Variants in TMIGD2 observed in about 807,000 individuals in gnomAD.
TMIGD2 encodes transmembrane and immunoglobulin domain containing 2.
TMIGD2 carries 18 observed loss-of-function variants against 22.6 expected under a neutral mutation model. The observed-to-expected ratio is 0.80, with a 90% CI of 0.55 to 1.18. TMIGD2 has a LOEUF of 1.18. Among genes scored for constraint, TMIGD2 ranks in the 50% most tolerant of loss-of-function variants. The pLI, the probability that TMIGD2 is intolerant of heterozygous loss-of-function variation, is 0.00. For synonymous variants in TMIGD2, 184 were observed against 154.1 expected, an observed-to-expected ratio of 1.19 and a Z score of -1.44; for missense variants, 361 against 378.2, an observed-to-expected ratio of 0.95 and a Z score of 0.38.
At chr19:4,292,870 C>T (rs750168919) in exon 5 of TMIGD2, 2 of 1,613,658 alleles carry the variant, frequency 1.2e-6, no homozygotes, top group African/African-American at 1.3e-5. Context: ...TAGGACGTTG[C>T]TGTAGAATGC....
intron 2 of TMIGD2, among the ~76,000 whole-genome samples, chr19:4,297,180 G>A (rs1169521071): frequency 6.8e-6 from 1 of 146,122 alleles, no homozygotes; most frequent in Non-Finnish European, 1.5e-5. Flanking sequence ...GGATTCTCCT[G>A]CCTCAGCCTC....
rs112223897 is a variant in TMIGD2, at chr19:4,297,950, C to A, written c.406+36G>T. 5.8e-3 allele frequency: 8,748 copies of A among 1,516,654 alleles called. 38 individuals are homozygous for A. The highest frequency in any genetic ancestry group is 6.6e-3 in the Non-Finnish European group (7,518 of 1,131,286). The allele number at this position is 1,516,654 out of a possible 1,614,324, so 93.9% of individuals were successfully genotyped here. A position where few individuals can be genotyped will look rare whatever the true frequency, so the allele number is the denominator to read the frequency against. ...AAAGTCTTAAGATTCTAGGATCCTC[C>A]CCACTGCCCCTCCCTCTCCCCGCTG... On this transcript the variant is annotated intron_variant, in intron 2 of 4. Coordinates refer to ENST00000301272, the Ensembl canonical transcript of TMIGD2.
rs770054378 is a variant in TMIGD2 at position 4,294,760 on chromosome 19, C to T, written c.448+15G>A. 13 of 1,583,100 alleles carry T rather than the reference C, an allele frequency of 8.2e-6. No individual in the cohort carries two copies. Among genetic ancestry groups the T allele is most frequent in the Non-Finnish European group, 1.1e-5 (13 of 1,165,472 alleles). On this transcript the variant is annotated intron_variant, in intron 3 of 4. Transcript: ENST00000301272. Reference sequence around the variant, plus strand: ...GGTGGAAGACGCTGGGGGAGGAACACAGGGCAGGGCTCACCTGGGAAGCTT... The same window carrying T: ...GGTGGAAGACGCTGGGGGAGGAACATAGGGCAGGGCTCACCTGGGAAGCTT...
exon 4 of TMIGD2, chr19:4,294,645 C>A (rs780536347): frequency 3.1e-6 from 5 of 1,602,318 alleles, no homozygotes; most frequent in Non-Finnish European, 4.3e-6. Context: ...GCAGCCACAC[C>A]CATGCTTCCC....
In TMIGD2 at chr19:4,292,759, G is replaced by A. The variant is rs757055087; in HGVS notation, c.689C>T (p.Ala230Val). 27 of 1,610,916 alleles carry A rather than the reference G, an allele frequency of 1.7e-5. No homozygotes were observed. The highest frequency in any genetic ancestry group is 4.0e-5 in the African/African-American group (3 of 74,788). The change falls in exon 5 of 5, where the codon GCC (alanine) becomes GTC (valine). Residue 230 changes from alanine to valine, a missense_variant. Coordinates refer to ENST00000301272, the Ensembl canonical transcript of TMIGD2. ...TGACGCCAGGTGCGGCTGGCGGGGG[G>A]CCGGTTGCGGGAAGGAGGTTGAATA...
chr19:4,294,497 G>A, intron 4 of TMIGD2, 82 bp downstream of exon 4: 1 of 1,346,662 alleles, frequency 7.4e-7, no homozygotes, highest in Non-Finnish European at 1.1e-6. Context: ...CCCCCAGGCG[G>A]GAGCACAGAT....
chr19:4,296,283 C>G (rs1352381570), intron 2 of TMIGD2, among the ~76,000 whole-genome samples: 1 of 152,206 alleles, frequency 6.6e-6, no homozygotes, highest in Non-Finnish European at 1.5e-5. Context: ...AAACTATTCA[C>G]TGTATTTTGA....
At chr19:4,299,778 T>C (rs1971510953) in intron 1 of TMIGD2, among the ~76,000 whole-genome samples, 1 of 151,382 alleles carries the variant, frequency 6.6e-6, no homozygotes. Context: ...CCCAGCTACA[T>C]GGGAGGCTGA....
chr19:4,297,874 A>AT, intron 2 of TMIGD2, 112 bp downstream of exon 2: 4 of 1,206,420 alleles, frequency 3.3e-6, no homozygotes, highest in South Asian at 3.6e-5. Context: ...AAAAAAAAAA[A>AT]GTTTGATATG....
intron 1 of TMIGD2, among the ~76,000 whole-genome samples, chr19:4,299,019 A>C (rs955676415): frequency 6.6e-6 from 1 of 152,198 alleles, no homozygotes; most frequent in Admixed American, 6.5e-5. Flanking sequence ...AGACACAGGA[A>C]GTCGTGAAAT....
rs564860685 is a variant in TMIGD2, at chr19:4,292,539, G to A, written c.*60C>T. On this transcript the variant is annotated 3_prime_UTR_variant, in exon 5 of 5. Transcript: ENST00000301272. ...GGCGTGAGCCACCGTGTCTGGCCTC[G>A]ATCCCCCCTTTTTTGTGTGTACCTA... 78 of 1,528,756 alleles carry A rather than the reference G, an allele frequency of 5.1e-5. No homozygotes were observed. In the Admixed American group the frequency reaches 1.0e-3, roughly 20 times the overall value. 94.7% of individuals were successfully genotyped at this position (1,528,756 alleles called of 1,614,324 possible).
intron 1 of TMIGD2, among the ~76,000 whole-genome samples, chr19:4,301,442 G>A (rs932171449): frequency 1.3e-5 from 2 of 152,322 alleles, no homozygotes; most frequent in African/African-American, 4.8e-5. Context: ...GCCAAGGTGG[G>A]TGGATCATGA....
intron 2 of TMIGD2, among the ~76,000 whole-genome samples, chr19:4,296,926 T>C (rs1971468815): frequency 6.6e-6 from 1 of 152,276 alleles, no homozygotes; most frequent in Non-Finnish European, 1.5e-5. Context: ...AAGGGGACAG[T>C]GCATAGGGTG....
intron 1 of TMIGD2, among the ~76,000 whole-genome samples, chr19:4,298,567 C>G (rs544019797): frequency 6.6e-6 from 1 of 152,194 alleles, no homozygotes; most frequent in South Asian, 2.1e-4. Flanking sequence ...AAGACCTCAT[C>G]TCTACAATAA....
exon 5 of TMIGD2, chr19:4,292,671 G>A (rs1241877299): frequency 6.2e-7 from 1 of 1,605,578 alleles, no homozygotes; most frequent in Non-Finnish European, 8.5e-7. Context: ...GAGAGACCCT[G>A]ACCATAGAGA....
At chr19:4,294,750 G>A (rs1480340288) in intron 3 of TMIGD2, 25 bp downstream of exon 3, 1 of 1,581,882 alleles carries the variant, frequency 6.3e-7, no homozygotes. Context: ...AAGACGCTGG[G>A]GGAGGAACAC....
In TMIGD2 at chr19:4,292,636, G is replaced by A. The variant is rs144403458; in HGVS notation, c.812C>T (p.Pro271Leu). 7 of 1,612,694 alleles carry A rather than the reference G, an allele frequency of 4.3e-6. No homozygotes were observed. The highest frequency in any genetic ancestry group is 2.7e-5 in the African/African-American group (2 of 74,808). ...CACTTTGGGGAACCCTTTTGGCCTC[G>A]GCTGCTGGGTGGGGCTTGGTCTAGG... The change falls in exon 5 of 5, where the codon CCG (proline) becomes CTG (leucine). Residue 271 changes from proline (P) to leucine (L), a missense_variant. Pro to Leu is a moderately conservative substitution (Grantham distance 98, BLOSUM62 -3). Coordinates refer to ENST00000301272, the Ensembl canonical transcript of TMIGD2.
At chr19:4,297,482 G>T (rs1002222624) in intron 2 of TMIGD2, among the ~76,000 whole-genome samples, 1 of 152,104 alleles carries the variant, frequency 6.6e-6, no homozygotes, top group African/African-American at 2.4e-5. Flanking sequence ...TGATCCTCTT[G>T]CCTTAGCCTC....
At chr19:4,292,993 T>G in intron 4 of TMIGD2, 108 bp from the exon 5 acceptor site, 8 of 1,517,564 alleles carry the variant, frequency 5.3e-6, no homozygotes, top group Middle Eastern at 1.7e-4. Context: ...AGACGGAGTC[T>G]CACTCTGTCG....
Sources: allele counts gnomAD v4.1 joint callset (sites outside exome capture counted in the v4.1 genomes callset), GRCh38; gene constraint gnomAD v4.1.1; transcripts MANE v1.5; gene names NCBI Gene and HGNC (gene_info 2026-07-23, HGNC 2026-07-21).